Variants in CAMK4 observed in about 807,000 individuals in gnomAD.
CAMK4 encodes the protein calcium/calmodulin dependent protein kinase IV.
In CAMK4, 22 loss-of-function variants were observed where a neutral mutation model predicts 44.9. That is an observed-to-expected ratio of 0.49 (90% CI 0.35 to 0.70). The LOEUF (loss-of-function observed/expected upper bound fraction) is 0.70. CAMK4 is among the 30% of genes least tolerant of loss of function. CAMK4 has a pLI of 0.01. For synonymous variants in CAMK4, 218 were observed against 215.4 expected, an observed-to-expected ratio of 1.01 and a Z score of -0.11; for missense variants, 498 against 586.8, an observed-to-expected ratio of 0.85 and a Z score of 1.56.
chr5:111,331,980 G>A (rs1034012474), intron 1 of CAMK4, among the ~76,000 whole-genome samples: 24 of 151,626 alleles, frequency 1.6e-4, no homozygotes, highest in Non-Finnish European at 3.2e-4. Flanking sequence ...ATTTTCACTT[G>A]ATGAAATCTA....
chr5:111,371,872 C>G (rs1751018637), intron 2 of CAMK4, among the ~76,000 whole-genome samples: 1 of 152,074 alleles, frequency 6.6e-6, no homozygotes, highest in Non-Finnish European at 1.5e-5. Context: ...AATTATATCA[C>G]CAATGACATC....
chr5:111,375,143 C>T (rs753876122), intron 3 of CAMK4, among the ~76,000 whole-genome samples: 2 of 152,192 alleles, frequency 1.3e-5, no homozygotes, highest in Non-Finnish European at 2.9e-5. Context: ...TATACGCCAT[C>T]TTTATTTTCA....
At position 111,405,847 on chromosome 5, in the gene CAMK4, A is replaced by G. The variant is rs150632827; in HGVS notation, c.459+11065A>G. Among the ~76,000 whole-genome samples, 338 of 152,302 alleles carry G rather than the reference A, an allele frequency of 2.2e-3. 2 individuals carry two copies. The highest frequency in any genetic ancestry group is 3.5e-3 in the Non-Finnish European group (237 of 68,026). On this transcript the variant is annotated intron_variant, in intron 5 of 10. Transcript: ENST00000282356. ...ATGAAAAGCACGACCTTCCCCTCAA[A>G]AAGAATAGTTTTTGAGTATGTGAAT...
chr5:111,427,898 G>C (rs1001118170), intron 5 of CAMK4, among the ~76,000 whole-genome samples: 14 of 152,362 alleles, frequency 9.2e-5, no homozygotes, highest in Non-Finnish European at 1.6e-4. Flanking sequence ...AATGTAGGCG[G>C]TAGCCAGAGT....
chr5:111,377,590 A>G (rs1266731895), intron 4 of CAMK4, among the ~76,000 whole-genome samples: 1 of 152,032 alleles, frequency 6.6e-6, no homozygotes, highest in East Asian at 1.9e-4. Context: ...AAGACACACA[A>G]ACTTTATGTT....
chr5:111,224,585 C>T lies in CAMK4; in HGVS notation c.102C>T (p.Ile34=). The change falls in exon 1 of 11, where the codon ATC becomes ATT. Residue 34 remains isoleucine (I), a synonymous_variant. Transcript: ENST00000282356. The surrounding 1 kb of genome is among the most constrained non-coding windows in gnomAD (Gnocchi z 5.7). ...GTASLVPDYW[I]DGSNRDALSD... is the part of the protein sequence containing the mutation. ...CGAGCCTCGTCCCGGATTACTGGAT[C>T]GACGGCTCCAACAGGGATGCGCTGA... The T allele has an allele frequency of 6.2e-7, 1 of 1,612,354 alleles. No individual in the cohort carries two copies. The highest frequency in any genetic ancestry group is 8.5e-7 in the Non-Finnish European group (1 of 1,179,684).
intron 2 of CAMK4, among the ~76,000 whole-genome samples, chr5:111,359,270 G>C (rs1363603376): frequency 6.1e-4 from 2 of 3,296 alleles, no homozygotes; most frequent in African/African-American, 9.7e-4. Flanking sequence ...TGACTGGTGT[G>C]AGATGGTATT....
At chr5:111,344,846 G>A (rs1169025427) in intron 2 of CAMK4, among the ~76,000 whole-genome samples, 1 of 151,786 alleles carries the variant, frequency 6.6e-6, no homozygotes, top group East Asian at 1.9e-4. Flanking sequence ...CCCCCAGAGA[G>A]TATTTTGCCA....
At chr5:111,473,433 G>A (rs773405128) in intron 8 of CAMK4, 47 bp downstream of exon 8, 1 of 1,255,364 alleles carries the variant, frequency 8.0e-7, no homozygotes, top group South Asian at 1.2e-5. Flanking sequence ...ACCTTGCTGT[G>A]ACATTTTCTA....
chr5:111,476,378 A>G, intron 8 of CAMK4, among the ~76,000 whole-genome samples: 1 of 151,780 alleles, frequency 6.6e-6, no homozygotes, highest in South Asian at 2.1e-4. Context: ...CTTGGGTTCA[A>G]GCAATTCTTC....
At chr5:111,479,449 C>G (rs745998703) in intron 9 of CAMK4, among the ~76,000 whole-genome samples, 9 of 152,138 alleles carry the variant, frequency 5.9e-5, no homozygotes, top group Non-Finnish European at 1.0e-4. Flanking sequence ...TGAAACATTT[C>G]TCATCAATCC....
intron 1 of CAMK4, among the ~76,000 whole-genome samples, chr5:111,271,936 A>C (rs1167514868): frequency 3.3e-5 from 5 of 152,088 alleles, no homozygotes; most frequent in Non-Finnish European, 5.9e-5. Flanking sequence ...TCCCTCCAAC[A>C]CTTTTCTCTC....
intron 1 of CAMK4, among the ~76,000 whole-genome samples, chr5:111,278,146 A>G (rs945345051): frequency 6.6e-6 from 1 of 152,230 alleles, no homozygotes; most frequent in Non-Finnish European, 1.5e-5. Context: ...TAATGTCCAT[A>G]AAGGCAAGGG....
chr5:111,473,191 G>A, intron 7 of CAMK4, 120 bp from the exon 8 acceptor site: 9 of 748,950 alleles, frequency 1.2e-5, no homozygotes, highest in Non-Finnish European at 1.9e-5. Context: ...GGGGAGAGAA[G>A]ATTGGTTATA....
Position 111,482,690 on chromosome 5 carries a change from TG to T in CAMK4, c.829-92del. 9.5e-7 allele frequency: 1 copy of T among 1,052,262 alleles called. No individual in the cohort carries two copies. Among genetic ancestry groups the T allele is most frequent in the Non-Finnish European group, 1.4e-6 (1 of 717,614 alleles). 65.2% of individuals were successfully genotyped at this position (1,052,262 alleles called of 1,614,324 possible). A position where few individuals can be genotyped will look rare whatever the true frequency, so the allele number is the denominator to read the frequency against. The stretch of plus-strand genomic sequence containing the variant: ...TCTCACATATATTTAGTGGTACTGC[TG>T]GGAAATGGAATAAGATCTGGAAGTT... On this transcript the variant is annotated intron_variant, in intron 9 of 10. Coordinates refer to ENST00000282356, the MANE Select transcript of CAMK4 (RefSeq NM_001744.6). This position sits in a 1 kb window ranked among gnomAD's most constrained non-coding sequence, Gnocchi z 4.9.
At chr5:111,359,079 T>G (rs374872054) in intron 2 of CAMK4, among the ~76,000 whole-genome samples, 2 of 152,158 alleles carry the variant, frequency 1.3e-5, no homozygotes, top group South Asian at 4.1e-4. Flanking sequence ...TTATATTCCT[T>G]TGGACATATA....
intron 4 of CAMK4, among the ~76,000 whole-genome samples, chr5:111,382,777 G>GTATATAAT (rs1481579495): frequency 6.6e-6 from 1 of 152,086 alleles, no homozygotes; most frequent in African/African-American, 2.4e-5. Flanking sequence ...ACATTCCAAA[G>GTATATAAT]TATATAATTT....
chr5:111,467,583 A>T (rs1754886796), intron 7 of CAMK4, among the ~76,000 whole-genome samples: 1 of 152,166 alleles, frequency 6.6e-6, no homozygotes, highest in African/African-American at 2.4e-5. Flanking sequence ...ACAAATGGCT[A>T]ACAAACATAT....
intron 1 of CAMK4, among the ~76,000 whole-genome samples, chr5:111,288,335 G>A (rs1751317724): frequency 6.6e-6 from 1 of 152,182 alleles, no homozygotes; most frequent in Non-Finnish European, 1.5e-5. Flanking sequence ...GATTGGAAGA[G>A]GATTGGTGCT....
Sources: allele counts gnomAD v4.1 joint callset (sites outside exome capture counted in the v4.1 genomes callset), GRCh38; gene constraint gnomAD v4.1.1; non-coding constraint Gnocchi (gnomAD v3.1); transcripts MANE v1.5; gene names NCBI Gene and HGNC (gene_info 2026-07-23, HGNC 2026-07-21).